MED13L: variants seen among roughly 807,000 people sequenced by gnomAD.
The protein encoded by MED13L is mediator complex subunit 13L.
Under a neutral mutation model 220.9 loss-of-function variants are expected in MED13L, and 7 were observed. That is an observed-to-expected ratio of 0.03 (90% CI 0.02 to 0.06). The LOEUF (loss-of-function observed/expected upper bound fraction) is 0.06, where lower values mean the gene tolerates loss of function less well. MED13L is among the 10% of genes least tolerant of loss of function. The pLI, the probability that MED13L is intolerant of heterozygous loss-of-function variation, is 1.00. For missense variants in MED13L, 1,965 were observed against 2,760.5 expected (o/e 0.71, Z 6.46); for synonymous variants, 1,011 against 1,015.2 (o/e 1.00, Z 0.08).
intron 3 of MED13L, among the ~76,000 whole-genome samples, chr12:116,106,845 C>CA (rs1281487037): frequency 5.9e-4 from 61 of 103,500 alleles, no homozygotes; most frequent in East Asian, 1.1e-3. Flanking sequence ...GACTCTGTCT[C>CA]AAAAAAAAAA....
intron 2 of MED13L, among the ~76,000 whole-genome samples, chr12:116,158,615 A>AT (rs1295838562): frequency 2.0e-5 from 3 of 152,212 alleles, no homozygotes; most frequent in Admixed American, 2.0e-4. Flanking sequence ...ATTATAAAAG[A>AT]TTTAGTATCT....
At chr12:116,239,864 T>G (rs1235999234) in intron 1 of MED13L, among the ~76,000 whole-genome samples, 1 of 152,208 alleles carries the variant, frequency 6.6e-6, no homozygotes, top group African/African-American at 2.4e-5. Flanking sequence ...CTTGTTCTGC[T>G]AGGAGGAAAT....
chr12:116,136,515 G>A (rs1047494231), intron 2 of MED13L, among the ~76,000 whole-genome samples: 1 of 152,138 alleles, frequency 6.6e-6, no homozygotes, highest in Non-Finnish European at 1.5e-5. Flanking sequence ...GCCACAGTAA[G>A]TTATGCTAAA....
intron 4 of MED13L, among the ~76,000 whole-genome samples, chr12:116,049,974 A>C (rs1868365282): frequency 6.6e-6 from 1 of 152,244 alleles, no homozygotes; most frequent in African/African-American, 2.4e-5. Context: ...TTGCAATGTA[A>C]GATCTATTCC....
At chr12:115,966,325 A>G (rs541591852) in intron 28 of MED13L, 82 bp from the exon 29 acceptor site, 184 of 1,472,378 alleles carry the variant, frequency 1.2e-4, no homozygotes, top group Non-Finnish European at 1.5e-4. Context: ...CACTCTGCAC[A>G]CTGCAGTGAG....
At chr12:116,210,273 G>A (rs1160409010) in intron 2 of MED13L, among the ~76,000 whole-genome samples, 2 of 152,110 alleles carry the variant, frequency 1.3e-5, no homozygotes, top group East Asian at 3.9e-4. Flanking sequence ...GTATCAACTG[G>A]ACTATACGTC....
At chr12:116,096,090 G>C (rs563956738) in intron 4 of MED13L, among the ~76,000 whole-genome samples, 1 of 151,778 alleles carries the variant, frequency 6.6e-6, no homozygotes, top group Non-Finnish European at 1.5e-5. Context: ...GCAATGGCTC[G>C]CACCTATAAT....
chr12:116,129,919 A>AG (rs1875923147), intron 2 of MED13L, among the ~76,000 whole-genome samples: 1 of 151,194 alleles, frequency 6.6e-6, no homozygotes, highest in South Asian at 2.1e-4. Flanking sequence ...AAAAAAAAAA[A>AG]AAAGAAAGAA....
chr12:116,120,453 TCTCTCTCTCTCTCTCTCTCTCTCTCA>T lies in MED13L; in HGVS notation c.311-8967_311-8942del, dbSNP rs1190425411. On this transcript the variant is annotated intron_variant, in intron 2 of 30. Transcript: ENST00000281928. ...AATAATCTCTCTTTCTCTCTCTCTC[TCTCTCTCTCTCTCTCTCTCTCTCTCA>T]CACACACACACACACACACACACAC... 2.7e-3 allele frequency among the ~76,000 whole-genome samples: 353 copies of T among 128,378 alleles called. 1 individual carries two copies. The highest frequency in any genetic ancestry group is 7.6e-3 in the Admixed American group (97 of 12,830). The allele number at this position is 128,378 out of a possible 152,430, so 84.2% of individuals were successfully genotyped here.
intron 4 of MED13L, among the ~76,000 whole-genome samples, chr12:116,079,373 C>T (rs772427737): frequency 1.2e-4 from 18 of 152,114 alleles, no homozygotes; most frequent in Admixed American, 5.2e-4. Flanking sequence ...TACACAACAC[C>T]ATGCCCAGCT....
At chr12:115,986,183 C>A (rs1251210014) in intron 19 of MED13L, 83 bp downstream of exon 19, 1 of 1,382,200 alleles carries the variant, frequency 7.2e-7, no homozygotes, top group Non-Finnish European at 1.0e-6. Flanking sequence ...ACTTTCAAGA[C>A]ATTTGTCTTG....
At chr12:116,255,643 G>C (rs1871979791) in intron 1 of MED13L, among the ~76,000 whole-genome samples, 1 of 152,140 alleles carries the variant, frequency 6.6e-6, no homozygotes, top group Admixed American at 6.6e-5. Flanking sequence ...TTGTATCCAG[G>C]ATATTCCAAG....
intron 4 of MED13L, among the ~76,000 whole-genome samples, chr12:116,065,992 A>G (rs11067898): frequency 0.068 from 10,294 of 152,300 alleles, 1,083 homozygotes; most frequent in East Asian, 0.39. Flanking sequence ...ATACAAGCAC[A>G]TAACTGCAGA....
chr12:116,202,660 C>T (rs906379042), intron 2 of MED13L, among the ~76,000 whole-genome samples: 5 of 152,250 alleles, frequency 3.3e-5, no homozygotes, highest in Admixed American at 6.5e-5. Flanking sequence ...CCTCGGCTTA[C>T]GCATTTTTAA....
intron 1 of MED13L, among the ~76,000 whole-genome samples, chr12:116,255,329 C>A (rs1010034862): frequency 6.6e-6 from 1 of 152,124 alleles, no homozygotes; most frequent in Non-Finnish European, 1.5e-5. Flanking sequence ...GTATGCAAAA[C>A]AAAACCAGAA....
intron 2 of MED13L, among the ~76,000 whole-genome samples, chr12:116,190,447 T>C (rs1176048398): frequency 1.3e-5 from 2 of 152,218 alleles, no homozygotes; most frequent in African/African-American, 2.4e-5. Flanking sequence ...AGTATGGAAC[T>C]TGTGAATACA....
chr12:116,032,255 C>T (rs1293802017), intron 4 of MED13L, among the ~76,000 whole-genome samples: 1 of 152,068 alleles, frequency 6.6e-6, no homozygotes, highest in Non-Finnish European at 1.5e-5. Context: ...TTTTGACAAG[C>T]TGATTCTAAA....
At chr12:116,159,705 T>C (rs753452708) in intron 2 of MED13L, among the ~76,000 whole-genome samples, 1 of 152,230 alleles carries the variant, frequency 6.6e-6, no homozygotes, top group Non-Finnish European at 1.5e-5. Context: ...TATTTAAATG[T>C]ATGGAATTAA....
At chr12:116,131,037 A>G (rs1049872436) in intron 2 of MED13L, among the ~76,000 whole-genome samples, 49 of 152,364 alleles carry the variant, frequency 3.2e-4, no homozygotes, top group African/African-American at 1.2e-3. Flanking sequence ...TGTATATTTT[A>G]AAAGTATACA....
Sources: allele counts gnomAD v4.1 joint callset (sites outside exome capture counted in the v4.1 genomes callset), GRCh38; gene constraint gnomAD v4.1.1; transcripts MANE v1.5; gene names NCBI Gene and HGNC (gene_info 2026-07-23, HGNC 2026-07-21).